Variants in AKT1 observed in about 807,000 individuals in gnomAD.
AKT1 encodes the protein RAC-alpha serine/threonine-protein kinase.
AKT1 carries 21 observed loss-of-function variants against 63.1 expected under a neutral mutation model. That is an observed-to-expected ratio of 0.33 (90% CI 0.24 to 0.48). The LOEUF is 0.48. Ranked by LOEUF, AKT1 falls within the 20% of genes least tolerant of loss-of-function variation. The pLI, the probability that AKT1 is intolerant of heterozygous loss-of-function variation, is 0.99. For missense variants in AKT1, 382 were observed against 666.0 expected (o/e 0.57, Z 4.69); for synonymous variants, 257 against 253.1 (o/e 1.02, Z -0.15).
At chr14:104,790,920 C>G (rs770262221) in intron 3 of AKT1, among the ~76,000 whole-genome samples, 1 of 152,198 alleles carries the variant, frequency 6.6e-6, no homozygotes, top group Non-Finnish European at 1.5e-5. Context: ...TGGAAAGGGT[C>G]ATGGCGATAG....
intron 4 of AKT1, 161 bp from the exon 5 acceptor site, chr14:104,776,931 A>G (rs1303005907): frequency 4.9e-6 from 3 of 608,608 alleles, no homozygotes; most frequent in African/African-American, 1.9e-5. Flanking sequence ...CTCGCCTCAC[A>G]GAGTGGGGCT....
intron 8 of AKT1, 90 bp from the exon 9 acceptor site, chr14:104,774,070 G>A (rs980110767): frequency 2.2e-5 from 28 of 1,272,294 alleles, no homozygotes; most frequent in Middle Eastern, 1.8e-4. Context: ...TTGATACCAC[G>A]TCGCCTGATA....
intron 5 of AKT1, 105 bp downstream of exon 5, chr14:104,776,554 G>T: frequency 1.0e-6 from 1 of 961,316 alleles, no homozygotes; most frequent in Non-Finnish European, 1.5e-6. Flanking sequence ...GCACTGGGGA[G>T]TGAGGATGGC....
At chr14:104,774,774 C>T in intron 8 of AKT1, 164 bp downstream of exon 8, 1 of 773,472 alleles carries the variant, frequency 1.3e-6, no homozygotes, top group South Asian at 1.8e-5. Flanking sequence ...CACTGGGCAC[C>T]TCCACAGCCT....
chr14:104,775,915 G>A (rs1166737102), intron 5 of AKT1, 116 bp from the exon 6 acceptor site: 7 of 1,341,674 alleles, frequency 5.2e-6, no homozygotes, highest in Non-Finnish European at 6.1e-6. Flanking sequence ...GGTTCCCAGA[G>A]ACAGCCCTGA....
At chr14:104,774,756 C>G (rs1230573107) in intron 8 of AKT1, 182 bp downstream of exon 8, 1 of 681,310 alleles carries the variant, frequency 1.5e-6, no homozygotes, top group Non-Finnish European at 2.4e-6. Context: ...AGCACAGCCC[C>G]TAGCCCACAC....
chr14:104,781,606 T>C (rs918784661), intron 3 of AKT1, among the ~76,000 whole-genome samples: 3 of 152,258 alleles, frequency 2.0e-5, no homozygotes, highest in Middle Eastern at 3.4e-3. Context: ...CTCTCCCTCC[T>C]ACCCCGGCCC....
intron 13 of AKT1, 134 bp from the exon 14 acceptor site, chr14:104,770,981 A>C: frequency 1.4e-6 from 1 of 735,360 alleles, no homozygotes; most frequent in Non-Finnish European, 2.3e-6. Context: ...AGAGAGCAGC[A>C]AGCCACCAGC....
At chr14:104,772,519 T>C in intron 12 of AKT1, 67 bp from the exon 13 acceptor site, 3 of 1,531,042 alleles carry the variant, frequency 2.0e-6, no homozygotes, top group Non-Finnish European at 2.7e-6. Flanking sequence ...TTCAGGCCCC[T>C]TCCTCCTGTG....
chr14:104,771,127 A>G (rs1021884343), intron 13 of AKT1: 5 of 435,522 alleles, frequency 1.1e-5, no homozygotes, highest in African/African-American at 1.0e-4. Flanking sequence ...CCCAGCTCTG[A>G]GAGACCCTCC....
rs758025607 is a variant in AKT1, at chr14:104,773,502, G to C, written c.781C>G (p.Leu261Val). The C allele has an allele frequency of 6.2e-7, 1 of 1,613,810 alleles. No individual in the cohort carries two copies. Among genetic ancestry groups the C allele is most frequent in the Non-Finnish European group, 8.5e-7 (1 of 1,179,848 alleles). The change falls in exon 10 of 15, where the codon CTG becomes GTG. Residue 261 changes from leucine to valine, a missense_variant. Leu to Val is a conservative substitution (Grantham distance 32, BLOSUM62 1). Transcript: ENST00000649815. ...RFYGAEIVSA[L>V]DYLHSEKNVV... ...TTCTTCTCCGAGTGCAGGTAGTCCA[G>C]GGCTGACACAATCTCAGCGCCATAG... is the stretch of plus-strand genomic sequence containing the variant.
Position 104,775,903 on chromosome 14 carries a change from G to A in AKT1, c.288-104C>T, listed in dbSNP as rs184103453. Reference sequence around the variant, plus strand: ...TCACAAGCGTGGTTCCACAGCTGTCGGGGTTCCCAGAGACAGCCCTGAGGA... The same window carrying A: ...TCACAAGCGTGGTTCCACAGCTGTCAGGGTTCCCAGAGACAGCCCTGAGGA... On this transcript the variant is annotated intron_variant, in intron 5 of 14. Coordinates refer to ENST00000649815, the MANE Select transcript of AKT1 (RefSeq NM_001382430.1). 2.2e-4 allele frequency: 305 copies of A among 1,416,796 alleles called. 1 individual carries two copies. In the African/African-American group the frequency reaches 3.7e-3, roughly 17 times the overall value. The allele number at this position is 1,416,796 out of a possible 1,614,324, so 87.8% of individuals were successfully genotyped here.
chr14:104,773,710 G>T, intron 9 of AKT1, 130 bp from the exon 10 acceptor site: 1 of 1,391,876 alleles, frequency 7.2e-7, no homozygotes, highest in Non-Finnish European at 9.7e-7. Flanking sequence ...GGGCACGGGG[G>T]CCTGGAAAGT....
intron 6 of AKT1, 66 bp downstream of exon 6, chr14:104,775,586 G>C: frequency 6.4e-7 from 1 of 1,558,378 alleles, no homozygotes; most frequent in Non-Finnish European, 8.7e-7. Context: ...GGGACCCCAT[G>C]ACCCACCCAG....
intron 7 of AKT1, 21 bp downstream of exon 7, chr14:104,775,055 G>A (rs1173564775): frequency 6.2e-7 from 1 of 1,613,306 alleles, no homozygotes; most frequent in Admixed American, 1.7e-5. Flanking sequence ...TCTCCACCCT[G>A]CCCCACCGCC....
intron 6 of AKT1, 138 bp downstream of exon 6, chr14:104,775,514 T>C (rs1484336629): frequency 3.0e-5 from 39 of 1,290,246 alleles, no homozygotes; most frequent in Non-Finnish European, 3.9e-5. Context: ...AGCTGCGCCC[T>C]ACATGGAAAA....
intron 4 of AKT1, among the ~76,000 whole-genome samples, chr14:104,779,459 G>C (rs1892904825): frequency 6.6e-6 from 1 of 152,346 alleles, no homozygotes; most frequent in Admixed American, 6.5e-5. Context: ...CCCAAGGAGA[G>C]GCCCTGATGG....
At chr14:104,794,892 C>G (rs1438105018) in intron 1 of AKT1, 2 of 152,348 alleles carry the variant, frequency 1.3e-5, no homozygotes, top group African/African-American at 4.8e-5. Flanking sequence ...CCCTCCAAGC[C>G]TTGGCCTCTG....
At chr14:104,790,370 G>C (rs533934015) in intron 3 of AKT1, among the ~76,000 whole-genome samples, 128 of 152,162 alleles carry the variant, frequency 8.4e-4, no homozygotes, top group African/African-American at 3.0e-3. Flanking sequence ...CCCCAGCCAG[G>C]CCTGAGCACT....
Sources: gnomAD v4.1 joint callset for allele counts (sites outside exome capture counted in the v4.1 genomes callset) on GRCh38, gnomAD v4.1.1 for gene constraint, MANE v1.5 for transcripts, NCBI Gene and HGNC (gene_info 2026-07-23, HGNC 2026-07-21) for gene names.